Variants in RIMS4 observed in about 807,000 individuals in gnomAD.
The protein encoded by RIMS4 is regulating synaptic membrane exocytosis protein 4.
In RIMS4, 9 loss-of-function variants were observed where a neutral mutation model predicts 29.0. The ratio of observed to expected loss-of-function variants is 0.31; its 90% CI spans 0.19 to 0.54. The LOEUF (loss-of-function observed/expected upper bound fraction) is 0.54. Ranked by LOEUF, RIMS4 falls within the 20% of genes least tolerant of loss-of-function variation. The probability of loss-of-function intolerance (pLI) is 0.94; values close to 1 mark genes in which losing one functional copy is unlikely to be tolerated. For missense variants in RIMS4, 193 were observed against 365.7 expected, an observed-to-expected ratio of 0.53 and a Z score of 3.85; for synonymous variants, 130 against 152.9, an observed-to-expected ratio of 0.85 and a Z score of 1.10.
chr20:44,795,104 C>T (rs1344784239), intron 1 of RIMS4, among the ~76,000 whole-genome samples: 3 of 152,212 alleles, frequency 2.0e-5, no homozygotes, highest in Admixed American at 1.3e-4. Flanking sequence ...TGCCTCAGGG[C>T]CCCTGCACAA....
At chr20:44,775,365 C>T (rs1310891161) in intron 1 of RIMS4, among the ~76,000 whole-genome samples, 1 of 152,196 alleles carries the variant, frequency 6.6e-6, no homozygotes, top group African/African-American at 2.4e-5. Context: ...TACCTGGCAC[C>T]TTTTTCTGGG....
chr20:44,758,609 G>A (rs566851566), intron 2 of RIMS4, among the ~76,000 whole-genome samples: 2 of 152,138 alleles, frequency 1.3e-5, no homozygotes, highest in South Asian at 2.1e-4. Context: ...TTTTCTTTAC[G>A]GAACCCCCTC....
intron 1 of RIMS4, among the ~76,000 whole-genome samples, chr20:44,777,629 C>T (rs561072810): frequency 6.6e-6 from 1 of 152,288 alleles, no homozygotes; most frequent in East Asian, 1.9e-4. Flanking sequence ...ATCATATACT[C>T]TTAACCACGA....
At chr20:44,762,969 G>A (rs1339615084) in intron 2 of RIMS4, among the ~76,000 whole-genome samples, 2 of 152,314 alleles carry the variant, frequency 1.3e-5, no homozygotes, top group South Asian at 2.1e-4. Context: ...TGGCCTTTTT[G>A]TTGGCCAGTG....
intron 1 of RIMS4, among the ~76,000 whole-genome samples, chr20:44,786,115 C>A (rs2066207495): frequency 6.6e-6 from 1 of 152,160 alleles, no homozygotes; most frequent in Non-Finnish European, 1.5e-5. Flanking sequence ...GCCCTACAGC[C>A]CCCTTTGAGA....
chr20:44,774,415 C>T lies in RIMS4; in HGVS notation c.98-3002G>A, dbSNP rs540353289. 2.0e-5 allele frequency among the ~76,000 whole-genome samples: 3 copies of T among 152,198 alleles called. No homozygotes were observed. In the East Asian group the frequency reaches 5.8e-4, roughly 30 times the overall value. On this transcript the variant is annotated intron_variant, in intron 1 of 5. Coordinates refer to ENST00000372851, the MANE Select transcript of RIMS4 (RefSeq NM_182970.4). ...CCACCCTCAATCTGGGTGGCATCAT[C>T]TAATCGGCTGCCAGCATGGCCAGAA...
At chr20:44,806,406 G>C (rs936700605) in intron 1 of RIMS4, among the ~76,000 whole-genome samples, 1 of 152,200 alleles carries the variant, frequency 6.6e-6, no homozygotes, top group African/African-American at 2.4e-5. Flanking sequence ...AGGAAGAGCA[G>C]GGAACCAGTG....
At chr20:44,775,397 C>A (rs1166003682) in intron 1 of RIMS4, among the ~76,000 whole-genome samples, 1 of 152,142 alleles carries the variant, frequency 6.6e-6, no homozygotes, top group East Asian at 1.9e-4. Flanking sequence ...GGGTGTCTTT[C>A]TTTGGGCTAC....
chr20:44,759,180 A>G (rs1251999887), intron 2 of RIMS4, among the ~76,000 whole-genome samples: 1 of 152,090 alleles, frequency 6.6e-6, no homozygotes, highest in Non-Finnish European at 1.5e-5. Flanking sequence ...CTGAGCACCA[A>G]AGCACTTGCA....
At chr20:44,768,488 C>T (rs902761672) in intron 2 of RIMS4, among the ~76,000 whole-genome samples, 5 of 152,222 alleles carry the variant, frequency 3.3e-5, no homozygotes, top group Admixed American at 6.5e-5. Context: ...TTTCAGAGCC[C>T]GGCATTTGGG....
chr20:44,781,536 G>C (rs1168205112), intron 1 of RIMS4, among the ~76,000 whole-genome samples: 1 of 152,180 alleles, frequency 6.6e-6, no homozygotes, highest in Non-Finnish European at 1.5e-5. Context: ...CATGGAGATA[G>C]AGTGAAGAGG....
chr20:44,777,862 T>C (rs1469810886), intron 1 of RIMS4, among the ~76,000 whole-genome samples: 1 of 152,192 alleles, frequency 6.6e-6, no homozygotes, highest in Non-Finnish European at 1.5e-5. Context: ...GCCTGTGAAG[T>C]TCCCCCAGAC....
At chr20:44,804,202 A>C (rs1045289902) in intron 1 of RIMS4, among the ~76,000 whole-genome samples, 1 of 152,188 alleles carries the variant, frequency 6.6e-6, no homozygotes, top group Non-Finnish European at 1.5e-5. Flanking sequence ...CATAGAATTC[A>C]GTGCGATCAC....
intron 2 of RIMS4, among the ~76,000 whole-genome samples, chr20:44,764,214 CCATCCATCCATCCGTCCATCCATT>C (rs2066103241): frequency 8.0e-6 from 1 of 124,450 alleles, no homozygotes; most frequent in Non-Finnish European, 1.6e-5. Flanking sequence ...ATCCATCCAC[CCATCCATCCATCCGTCCATCCATT>C]CATCCATCCA....
intron 1 of RIMS4, among the ~76,000 whole-genome samples, chr20:44,774,028 C>T (rs1183021466): frequency 6.6e-6 from 1 of 152,084 alleles, no homozygotes; most frequent in African/African-American, 2.4e-5. Flanking sequence ...TCATTTTTTT[C>T]CCTTGACACA....
intron 2 of RIMS4, 72 bp downstream of exon 2, chr20:44,771,203 G>A: frequency 6.5e-7 from 1 of 1,532,836 alleles, no homozygotes; most frequent in African/African-American, 1.4e-5. Flanking sequence ...TCCCAGAGGG[G>A]TTGCTCAGTC....
At position 44,797,576 on chromosome 20, in the gene RIMS4, G is replaced by A. The variant is rs186888126; in HGVS notation, c.97+12599C>T. 7.2e-5 allele frequency among the ~76,000 whole-genome samples: 11 copies of A among 152,332 alleles called. No homozygotes were observed. In the East Asian group the frequency reaches 1.7e-3, roughly 24 times the overall value. ...ATATGAAGCATACAAAATTCTATTA[G>A]ACTGCTTCCACTAATAAAATGGCAG... On this transcript the variant is annotated intron_variant, in intron 1 of 5. Transcript: ENST00000372851.
At chr20:44,796,908 A>C (rs1170911721) in intron 1 of RIMS4, among the ~76,000 whole-genome samples, 1 of 152,218 alleles carries the variant, frequency 6.6e-6, no homozygotes, top group Non-Finnish European at 1.5e-5. Flanking sequence ...TTCTCCAAAT[A>C]GTCAAACAAG....
chr20:44,790,147 G>T (rs2066226729), intron 1 of RIMS4, among the ~76,000 whole-genome samples: 1 of 152,240 alleles, frequency 6.6e-6, no homozygotes, highest in Non-Finnish European at 1.5e-5. Flanking sequence ...TAATTGAGTG[G>T]TCTGGGTTGG....
Sources: gnomAD v4.1 joint callset for allele counts (sites outside exome capture counted in the v4.1 genomes callset) on GRCh38, gnomAD v4.1.1 for gene constraint, MANE v1.5 for transcripts, NCBI Gene and HGNC (gene_info 2026-07-23, HGNC 2026-07-21) for gene names.